The following EPG5 variants were observed in gnomAD, a reference collection of about 807,000 sequenced individuals.
EPG5 encodes the protein ectopic P granules protein 5 homolog.
In EPG5, 159 loss-of-function variants were observed where a neutral mutation model predicts 302.7. That is an observed-to-expected ratio of 0.53 (90% confidence interval 0.46 to 0.60). The LOEUF is 0.60. EPG5 is among the 20% of genes least tolerant of loss of function. EPG5 has a pLI of 0.00. For missense variants in EPG5, 2,896 were observed against 3,092.4 expected, an observed-to-expected ratio of 0.94 and a Z score of 1.51; for synonymous variants, 1,158 against 1,136.8, an observed-to-expected ratio of 1.02 and a Z score of -0.37.
chr18:45,821,266 C>A, the EPG5 span, among the ~76,000 whole-genome samples: 2 of 152,162 alleles, frequency 1.3e-5, no homozygotes, highest in South Asian at 2.1e-4. Flanking sequence ...GTGAGAAATC[C>A]ATGCATGCAC....
chr18:45,867,870 T>TA, intron 36 of EPG5, 122 bp from the exon 37 acceptor site: 1 of 793,820 alleles, frequency 1.3e-6, no homozygotes, highest in Non-Finnish European at 2.1e-6. Context: ...TTATATCACT[T>TA]AGAATCCCAC....
chr18:45,960,750 T>C (rs1186146327), intron 1 of EPG5, among the ~76,000 whole-genome samples: 1 of 152,178 alleles, frequency 6.6e-6, no homozygotes, highest in Non-Finnish European at 1.5e-5. Flanking sequence ...GGTTGTACAC[T>C]GTGAGAGTGT....
the EPG5 span, among the ~76,000 whole-genome samples, chr18:45,819,743 TTCTG>T: frequency 1.3e-5 from 2 of 152,296 alleles, no homozygotes; most frequent in South Asian, 2.1e-4. Flanking sequence ...CACTATTATC[TTCTG>T]TCTAACTCTT....
chr18:45,894,476 A>T (rs115378275), intron 27 of EPG5, among the ~76,000 whole-genome samples: 6,163 of 151,692 alleles, frequency 0.041, 365 homozygotes, highest in African/African-American at 0.13. Context: ...AATAATAATA[A>T]TATTAAAAAC....
intron 24 of EPG5, among the ~76,000 whole-genome samples, chr18:45,904,531 A>G (rs1354018066): frequency 6.6e-6 from 1 of 152,224 alleles, no homozygotes; most frequent in Non-Finnish European, 1.5e-5. Flanking sequence ...CAGGGGACAG[A>G]AAAACATGTT....
the EPG5 span, chr18:45,837,069 GCTC>G: frequency 6.2e-7 from 1 of 1,601,300 alleles, no homozygotes; most frequent in African/African-American, 1.3e-5. Flanking sequence ...CGGAGAACTT[GCTC>G]AACACAGAGG....
chr18:45,870,429 G>T, intron 36 of EPG5, 138 bp downstream of exon 36: 1 of 597,854 alleles, frequency 1.7e-6, no homozygotes. Context: ...TTTTCCACAG[G>T]CACCACCGAG....
At chr18:45,909,677 T>C (rs1377100409) in intron 23 of EPG5, among the ~76,000 whole-genome samples, 1 of 152,184 alleles carries the variant, frequency 6.6e-6, no homozygotes, top group African/African-American at 2.4e-5. Context: ...TGTACCCTGA[T>C]TTTATAGGGC....
Position 45,956,461 on chromosome 18 carries a change from A to T in EPG5, c.64-1123T>A, listed in dbSNP as rs976093140. Among the ~76,000 whole-genome samples the T allele has an allele frequency of 2.4e-4, 29 of 119,228 alleles. No homozygotes were observed. The Middle Eastern group carries it at 0.013, about 52-fold the overall frequency. The allele number at this position is 119,228 out of a possible 152,430, so 78.2% of individuals were successfully genotyped here. On this transcript the variant is annotated intron_variant, in intron 1 of 43. Coordinates refer to ENST00000282041, the MANE Select transcript of EPG5 (RefSeq NM_020964.3). ...ATTCTTTAGGGTGTTTTATTTATTT[A>T]TTTTTTTTTTTTTGAGACGGAATCT...
rs375661582 is a variant in EPG5, at chr18:45,967,209, C to T, written c.31G>A (p.Ala11Thr). Residue 11 changes from alanine to threonine, a missense_variant, in exon 1 of 44, where the codon GCC (alanine) becomes ACC (threonine). This residue lies in a region of EPG5 where 1,390 missense variants were observed against 1,430.0 expected (regional missense o/e 0.97). Transcript: ENST00000282041. MAEAVKPQRR[A>T]KAKASRTKTK... Reference sequence around the variant, plus strand: ...TTAGTCCGGCTGGCCTTGGCCTTGGCCCGGCGCTGGGGCTTCACCGCCTCG... The same window carrying T: ...TTAGTCCGGCTGGCCTTGGCCTTGGTCCGGCGCTGGGGCTTCACCGCCTCG... 1.2e-4 allele frequency: 193 copies of T among 1,605,542 alleles called. No individual in the cohort carries two copies. In the South Asian group the frequency reaches 1.8e-3, roughly 15 times the overall value.
intron 17 of EPG5, among the ~76,000 whole-genome samples, chr18:45,916,991 C>T (rs931086691): frequency 4.6e-5 from 7 of 152,150 alleles, no homozygotes; most frequent in African/African-American, 7.2e-5. Flanking sequence ...GTTCCCAGGA[C>T]CTAACCCATT....
At chr18:45,856,216 A>G (rs2145177370) in intron 42 of EPG5, among the ~76,000 whole-genome samples, 1 of 152,390 alleles carries the variant, frequency 6.6e-6, no homozygotes, top group Non-Finnish European at 1.5e-5. Context: ...AGCCATAAAA[A>G]CAAACGAAGT....
chr18:45,899,146 G>A (rs564024857), intron 27 of EPG5, among the ~76,000 whole-genome samples: 118 of 152,114 alleles, frequency 7.8e-4, no homozygotes, highest in Middle Eastern at 3.4e-3. Context: ...GGAATCAGTT[G>A]AAGCCCTCTC....
intron 5 of EPG5, among the ~76,000 whole-genome samples, chr18:45,948,971 T>A (rs1213538493): frequency 6.6e-6 from 1 of 152,132 alleles, no homozygotes; most frequent in East Asian, 1.9e-4. Context: ...TCCTGCAAAT[T>A]CTAAGTGGTT....
At chr18:45,825,040 A>G in the EPG5 span, among the ~76,000 whole-genome samples, 1 of 151,964 alleles carries the variant, frequency 6.6e-6, no homozygotes, top group African/African-American at 2.4e-5. Flanking sequence ...CAGTTGGGTC[A>G]ACTGCTCAAA....
In EPG5 at chr18:45,860,266, G is replaced by T; in HGVS notation, c.6847C>A (p.Pro2283Thr). ...CTGCCCCGAAGGAACTCTGCTGTTG[G>T]AATAGTCGCGTTGTTCATCATCATC... ...VLMMMNNATI[P>T]TAEFLRGSIR... Residue 2283 changes from proline to threonine, a missense_variant, in exon 40 of 44, where the codon CCA (proline) becomes ACA (threonine). This residue lies in a region of EPG5 where 620 missense variants were observed against 704.2 expected (regional missense o/e 0.88). Coordinates refer to ENST00000282041, the MANE Select transcript of EPG5 (RefSeq NM_020964.3). The T allele has an allele frequency of 6.2e-7, 1 of 1,614,228 alleles. No homozygotes were observed. Among genetic ancestry groups the T allele is most frequent in the Non-Finnish European group, 8.5e-7 (1 of 1,180,038 alleles).
At chr18:45,935,868 C>G (rs1241132071) in intron 10 of EPG5, among the ~76,000 whole-genome samples, 2 of 152,204 alleles carry the variant, frequency 1.3e-5, no homozygotes, top group Admixed American at 6.5e-5. Context: ...CCACTGCATT[C>G]CAGCAAGCCT....
In EPG5 at chr18:45,962,815, C is replaced by T. The variant is rs2051177688; in HGVS notation, c.63+4362G>A. 2.0e-5 allele frequency among the ~76,000 whole-genome samples: 3 copies of T among 152,124 alleles called. No individual in the cohort carries two copies. The South Asian group carries it at 6.2e-4, about 31-fold the overall frequency. ...GTTTCATTAATATAGGACTTTATAA[C>T]TATAATCGAACTATAACCAGCACTA... On this transcript the variant is annotated intron_variant, in intron 1 of 43. Coordinates refer to ENST00000282041, the MANE Select transcript of EPG5 (RefSeq NM_020964.3).
At position 45,858,593 on chromosome 18, in the gene EPG5, C is replaced by T. The variant is rs1030476117; in HGVS notation, c.7199G>A (p.Ser2400Asn). ...RNEMKVLLIL[S>N]KWLEQVYPSS... ...TGGGTACACCTGTTCCAGCCACTTG[C>T]TTAAGATGAGCAGCACTTTCATTTC... Residue 2400 changes from serine (S) to asparagine (N), a missense_variant, in exon 41 of 44, where the codon AGC becomes AAC. Physicochemically the swap from Ser to Asn is conservative, Grantham distance 46. Around this residue, in one of 5 missense-constraint regions of EPG5, gnomAD observed 620 missense variants for 704.2 expected, o/e 0.88. Coordinates refer to ENST00000282041, the MANE Select transcript of EPG5 (RefSeq NM_020964.3). 10 of 1,614,066 alleles carry T rather than the reference C, an allele frequency of 6.2e-6. No homozygotes were observed. Among genetic ancestry groups the T allele is most frequent in the Middle Eastern group, 3.3e-4 (2 of 6,084 alleles).
Sources: allele counts gnomAD v4.1 joint callset (sites outside exome capture counted in the v4.1 genomes callset), GRCh38; gene constraint gnomAD v4.1.1; regional missense constraint gnomAD v4.1.1; transcripts MANE v1.5; gene names NCBI Gene and HGNC (gene_info 2026-07-23, HGNC 2026-07-21).